CTNNA2: variants seen among roughly 807,000 people sequenced by gnomAD.
The protein encoded by CTNNA2 is catenin alpha-2.
A neutral mutation model predicts 101.0 loss-of-function variants in CTNNA2; 42 were observed. The ratio of observed to expected loss-of-function variants is 0.42; its 90% confidence interval spans 0.32 to 0.54. CTNNA2 has a LOEUF of 0.54. Ranked by LOEUF, CTNNA2 falls within the 20% of genes least tolerant of loss-of-function variation. The probability of loss-of-function intolerance (pLI) is 0.14; values close to 1 mark genes in which losing one functional copy is unlikely to be tolerated. For missense variants in CTNNA2, 871 were observed against 1,223.1 expected, an observed-to-expected ratio of 0.71 and a Z score of 4.29; for synonymous variants, 450 against 456.4, an observed-to-expected ratio of 0.99 and a Z score of 0.18.
chr2:79,638,331 C>A (rs1190759587), intron 1 of CTNNA2, among the ~76,000 whole-genome samples: 2 of 152,146 alleles, frequency 1.3e-5, no homozygotes, highest in East Asian at 3.9e-4. Flanking sequence ...AAATTAAATC[C>A]CACAGATGAC....
rs980204172 is a variant in CTNNA2, at chr2:80,074,234, G to T, written c.1056+164437G>T. On this transcript the variant is annotated intron_variant, in intron 7 of 18. Coordinates refer to ENST00000402739, the MANE Select transcript of CTNNA2 (RefSeq NM_001282597.3). ...AAAAACAACTGTGCTCATCAAATAA[G>T]CCCATTATGCAAAGCACACTCCATC... is the stretch of plus-strand genomic sequence containing the variant. Among the ~76,000 whole-genome samples, 40 of 152,072 alleles carry T rather than the reference G, an allele frequency of 2.6e-4. 1 individual carries two copies. Among genetic ancestry groups the T allele is most frequent in the African/African-American group, 9.7e-4 (40 of 41,426 alleles).
At chr2:79,467,275 C>T (rs1233367728) in intron 4 of CTNNA2, among the ~76,000 whole-genome samples, 2 of 152,054 alleles carry the variant, frequency 1.3e-5, no homozygotes, top group Non-Finnish European at 2.9e-5. Context: ...GAAAGGGTAT[C>T]AGTGACTGAA....
At chr2:79,558,581 A>AG in intron 1 of CTNNA2, among the ~76,000 whole-genome samples, 1 of 152,036 alleles carries the variant, frequency 6.6e-6, no homozygotes, top group Non-Finnish European at 1.5e-5. Flanking sequence ...AGTTCCTTAT[A>AG]GAGTGCCTGA....
intron 7 of CTNNA2, among the ~76,000 whole-genome samples, chr2:80,330,499 CTTTTTTTT>C (rs11338415): frequency 7.1e-6 from 1 of 141,230 alleles, no homozygotes; most frequent in Non-Finnish European, 1.6e-5. Flanking sequence ...CTACTTTTTT[CTTTTTTTT>C]TTTTTGCAAT....
chr2:79,509,798 A>G (rs1023722307), upstream of CTNNA2, among the ~76,000 whole-genome samples: 1 of 152,178 alleles, frequency 6.6e-6, no homozygotes, highest in African/African-American at 2.4e-5. Context: ...TGTAACAAAC[A>G]TGCTACTGTG....
At chr2:79,919,546 T>G (rs1686508489) in intron 7 of CTNNA2, among the ~76,000 whole-genome samples, 1 of 152,148 alleles carries the variant, frequency 6.6e-6, no homozygotes. Context: ...AGTCATCAGA[T>G]TTGGCCAGTC....
At chr2:79,599,819 A>T (rs1182522837) in intron 1 of CTNNA2, among the ~76,000 whole-genome samples, 1 of 152,198 alleles carries the variant, frequency 6.6e-6, no homozygotes, top group Non-Finnish European at 1.5e-5. Flanking sequence ...TGCCATTCGT[A>T]CTTTGACTTC....
chr2:80,647,451 A>G, intron 18 of CTNNA2, 134 bp from the exon 19 acceptor site: 2 of 734,604 alleles, frequency 2.7e-6, no homozygotes, highest in South Asian at 2.3e-5. Context: ...TTAACTTGTG[A>G]TAATTTGCTC....
At chr2:80,142,616 A>G (rs546668714) in intron 7 of CTNNA2, among the ~76,000 whole-genome samples, 1 of 152,294 alleles carries the variant, frequency 6.6e-6, no homozygotes, top group East Asian at 1.9e-4. Context: ...ATTTTCCCAA[A>G]GTTCCACAAT....
intron 1 of CTNNA2, among the ~76,000 whole-genome samples, chr2:79,566,085 A>T (rs917353055): frequency 8.5e-5 from 13 of 152,134 alleles, no homozygotes; most frequent in Non-Finnish European, 1.9e-4. Flanking sequence ...ATGGTGCCAG[A>T]TAATACAGAA....
At chr2:80,603,805 A>G in intron 15 of CTNNA2, 1 of 377,414 alleles carries the variant, frequency 2.6e-6, no homozygotes, top group Non-Finnish European at 4.8e-6. Flanking sequence ...TTCTCTTGTG[A>G]TGATCTTTTA....
intron 8 of CTNNA2, among the ~76,000 whole-genome samples, chr2:80,411,440 T>C (rs920311733): frequency 1.3e-5 from 2 of 152,184 alleles, no homozygotes; most frequent in African/African-American, 4.8e-5. Flanking sequence ...CCATCTGCCA[T>C]GGGTTCTCTT....
intron 3 of CTNNA2, among the ~76,000 whole-genome samples, chr2:79,787,119 T>G (rs1674903667): frequency 6.6e-6 from 1 of 152,182 alleles, no homozygotes; most frequent in Non-Finnish European, 1.5e-5. Flanking sequence ...ATGACTTCCT[T>G]GAAACAGGTG....
intron 2 of CTNNA2, among the ~76,000 whole-genome samples, chr2:79,732,524 C>T (rs896540450): frequency 6.6e-6 from 1 of 151,862 alleles, no homozygotes; most frequent in Non-Finnish European, 1.5e-5. Context: ...TGTATGCATA[C>T]AAATAGAGAA....
At chr2:80,424,206 G>A (rs1328608245) in intron 9 of CTNNA2, among the ~76,000 whole-genome samples, 1 of 152,032 alleles carries the variant, frequency 6.6e-6, no homozygotes. Context: ...TGCCCTCCTT[G>A]GCCTCCCAAA....
At chr2:80,256,094 T>G (rs1394300991) in intron 7 of CTNNA2, among the ~76,000 whole-genome samples, 2 of 152,128 alleles carry the variant, frequency 1.3e-5, no homozygotes, top group African/African-American at 4.8e-5. Context: ...AGCCCCACTC[T>G]CAGTAGCAGG....
rs544900090 is a variant in CTNNA2, at chr2:80,550,405, G to A, written c.1540+4342G>A. ...TGGCTGTGGCAATTTCTTGAAGTAAGATAACAATGAAGTTTGATGCGTTGA... is the reference window on the plus strand; with the variant it reads ...TGGCTGTGGCAATTTCTTGAAGTAAAATAACAATGAAGTTTGATGCGTTGA... On this transcript the variant is annotated intron_variant, in intron 11 of 18. Coordinates refer to ENST00000402739, the MANE Select transcript of CTNNA2 (RefSeq NM_001282597.3). Among the ~76,000 whole-genome samples, 10 of 152,268 alleles carry A rather than the reference G, an allele frequency of 6.6e-5. No individual in the cohort carries two copies. The East Asian group carries it at 1.7e-3, about 27-fold the overall frequency.
intron 3 of CTNNA2, among the ~76,000 whole-genome samples, chr2:79,328,997 CTA>C (rs572487832): frequency 7.3e-5 from 11 of 151,532 alleles, no homozygotes; most frequent in Non-Finnish European, 1.5e-4. Flanking sequence ...GTGTCTGTGT[CTA>C]TGTGTCCAAA....
At chr2:80,449,267 C>T (rs903896089) in intron 9 of CTNNA2, among the ~76,000 whole-genome samples, 3 of 151,726 alleles carry the variant, frequency 2.0e-5, no homozygotes, top group East Asian at 1.9e-4. Flanking sequence ...GATGACAGAG[C>T]AAGACCCTGG....
Sources: allele counts gnomAD v4.1 joint callset (sites outside exome capture counted in the v4.1 genomes callset), GRCh38; gene constraint gnomAD v4.1.1; transcripts MANE v1.5; gene names NCBI Gene and HGNC (gene_info 2026-07-23, HGNC 2026-07-21).